AFG1L: variants seen among roughly 807,000 people sequenced by gnomAD.
AFG1L encodes AFG1-like ATPase.
In AFG1L, 53 loss-of-function variants were observed where a neutral mutation model predicts 62.2. The ratio of observed to expected loss-of-function variants is 0.85; its 90% CI spans 0.68 to 1.07. AFG1L has a LOEUF of 1.07. Among genes scored for constraint, AFG1L ranks in the 50% least tolerant of loss-of-function variants. The pLI, the probability that AFG1L is intolerant of heterozygous loss-of-function variation, is 0.00. For synonymous variants in AFG1L, 228 were observed against 210.3 expected, an observed-to-expected ratio of 1.08 and a Z score of -0.73; for missense variants, 555 against 590.5, an observed-to-expected ratio of 0.94 and a Z score of 0.62.
chr6:108,386,906 T>G (rs1256867336), intron 6 of AFG1L, among the ~76,000 whole-genome samples: 1 of 152,082 alleles, frequency 6.6e-6, no homozygotes, highest in Non-Finnish European at 1.5e-5. Flanking sequence ...GCTGATAGAT[T>G]AAATTAAAAA....
At chr6:108,327,691 G>GTGATGCAAGCAT (rs1310194456) in intron 2 of AFG1L, among the ~76,000 whole-genome samples, 1 of 152,172 alleles carries the variant, frequency 6.6e-6, no homozygotes, top group African/African-American at 2.4e-5. Context: ...GAATTTTGGG[G>GTGATGCAAGCAT]TGATGCAAGC....
intron 10 of AFG1L, among the ~76,000 whole-genome samples, chr6:108,503,174 G>T (rs1305083689): frequency 6.6e-6 from 1 of 151,956 alleles, no homozygotes; most frequent in Non-Finnish European, 1.5e-5. Context: ...TTGATATTTC[G>T]ACCTTCTCCC....
chr6:108,458,164 CTTGGATG>C (rs1772323048), intron 8 of AFG1L, among the ~76,000 whole-genome samples: 1 of 152,038 alleles, frequency 6.6e-6, no homozygotes. Context: ...GGTTGTGCTT[CTTGGATG>C]TGTGGGTTTA....
In AFG1L at chr6:108,334,999, C is replaced by CT. The variant is rs1159861156; in HGVS notation, c.363+10963dup. Among the ~76,000 whole-genome samples the CT allele has an allele frequency of 9.2e-3, 1,342 of 145,880 alleles. 20 individuals carry two copies. The highest frequency in any genetic ancestry group is 0.047 in the Admixed American group (681 of 14,560). Reference sequence around the variant, plus strand: ...TGGTAGATATTGTATTTCTTTCTTTCTTTTTTTTTTTTGAGATGGAGTCTC... The same window carrying CT: ...TGGTAGATATTGTATTTCTTTCTTTCTTTTTTTTTTTTTGAGATGGAGTCTC... On this transcript the variant is annotated intron_variant, in intron 2 of 12. Coordinates refer to ENST00000368977, the MANE Select transcript of AFG1L (RefSeq NM_145315.5).
chr6:108,314,922 T>G (rs1030843615), intron 1 of AFG1L, among the ~76,000 whole-genome samples: 1 of 151,990 alleles, frequency 6.6e-6, no homozygotes, highest in Non-Finnish European at 1.5e-5. Flanking sequence ...TCATGCAAAC[T>G]TTGCCTCCTG....
chr6:108,384,159 C>T (rs1335727144), intron 6 of AFG1L, among the ~76,000 whole-genome samples: 2 of 151,934 alleles, frequency 1.3e-5, no homozygotes, highest in Non-Finnish European at 2.9e-5. Flanking sequence ...ATGATACCAG[C>T]CTCAGGGCAG....
intron 1 of AFG1L, among the ~76,000 whole-genome samples, chr6:108,313,352 C>T (rs373322833): frequency 6.6e-6 from 1 of 152,104 alleles, no homozygotes; most frequent in Admixed American, 6.6e-5. Context: ...TTAGTACCTA[C>T]CTCAAAGGGT....
intron 4 of AFG1L, among the ~76,000 whole-genome samples, chr6:108,356,018 T>C (rs1480009557): frequency 6.6e-6 from 1 of 152,142 alleles, no homozygotes; most frequent in East Asian, 1.9e-4. Flanking sequence ...TAAGGGCCAA[T>C]AAAAAAATGT....
At chr6:108,433,256 A>G (rs769605057) in intron 7 of AFG1L, among the ~76,000 whole-genome samples, 2 of 147,980 alleles carry the variant, frequency 1.4e-5, no homozygotes, top group Non-Finnish European at 3.0e-5. Flanking sequence ...AACCACAAAC[A>G]TTAACTTTAT....
intron 1 of AFG1L, among the ~76,000 whole-genome samples, chr6:108,303,688 C>T (rs529346088): frequency 6.6e-6 from 1 of 152,246 alleles, no homozygotes; most frequent in South Asian, 2.1e-4. Context: ...GTTTTTAAGC[C>T]TGAGCATGTA....
rs775303599 is a variant in AFG1L, at chr6:108,347,071, A to G, written c.415+32A>G. 1.9e-6 allele frequency: 3 copies of G among 1,572,292 alleles called. No individual in the cohort carries two copies. In the South Asian group the frequency reaches 3.3e-5, roughly 17 times the overall value. On this transcript the variant is annotated intron_variant, in intron 3 of 12. Coordinates refer to ENST00000368977, the MANE Select transcript of AFG1L (RefSeq NM_145315.5). ...GTGTTAAAATAAGTTTTGGGTGGGC[A>G]AAACAGAAAGTTTCTCAGCTTTCTC...
chr6:108,488,613 G>T (rs1773657315), intron 10 of AFG1L, among the ~76,000 whole-genome samples: 1 of 151,972 alleles, frequency 6.6e-6, no homozygotes, highest in Non-Finnish European at 1.5e-5. Flanking sequence ...AGCACTTTGG[G>T]AGGCCGAGGT....
At chr6:108,447,342 GA>G (rs754009974) in intron 8 of AFG1L, 46 bp downstream of exon 8, 31 of 1,111,460 alleles carry the variant, frequency 2.8e-5, no homozygotes, top group Non-Finnish European at 4.1e-5. Context: ...TCGTTAATCA[GA>G]AAAAGAACAT....
At chr6:108,435,711 AG>A (rs1771278805) in intron 7 of AFG1L, among the ~76,000 whole-genome samples, 1 of 152,190 alleles carries the variant, frequency 6.6e-6, no homozygotes, top group Non-Finnish European at 1.5e-5. Context: ...TGTGAACTCC[AG>A]GGTGCAGCCT....
intron 6 of AFG1L, among the ~76,000 whole-genome samples, chr6:108,396,593 C>T (rs571696920): frequency 1.3e-5 from 2 of 152,178 alleles, no homozygotes; most frequent in East Asian, 3.9e-4. Flanking sequence ...CGGGTTCAAG[C>T]TATTCTCCTA....
intron 6 of AFG1L, among the ~76,000 whole-genome samples, chr6:108,376,194 TTC>T (rs1273373773): frequency 2.0e-5 from 3 of 152,090 alleles, no homozygotes; most frequent in Non-Finnish European, 4.4e-5. Flanking sequence ...TATTTGGATT[TTC>T]TCTCTCTTTT....
intron 2 of AFG1L, among the ~76,000 whole-genome samples, chr6:108,338,376 G>C (rs565323774): frequency 6.6e-6 from 1 of 152,270 alleles, no homozygotes; most frequent in East Asian, 1.9e-4. Flanking sequence ...ATTTAAGAAA[G>C]AGCTCTGTGA....
chr6:108,517,234 A>C (rs1006066157), intron 11 of AFG1L, among the ~76,000 whole-genome samples: 5 of 152,160 alleles, frequency 3.3e-5, no homozygotes, highest in African/African-American at 1.2e-4. Context: ...GAGGCATCAC[A>C]CTACCTGACT....
At chr6:108,313,676 T>C (rs976687741) in intron 1 of AFG1L, among the ~76,000 whole-genome samples, 1 of 152,042 alleles carries the variant, frequency 6.6e-6, no homozygotes, top group African/African-American at 2.4e-5. Context: ...GTGTAGCTGG[T>C]ACAAAGGTGT....
Sources: allele counts gnomAD v4.1 joint callset (sites outside exome capture counted in the v4.1 genomes callset), GRCh38; gene constraint gnomAD v4.1.1; transcripts MANE v1.5; gene names NCBI Gene and HGNC (gene_info 2026-07-23, HGNC 2026-07-21).